RPS6KC1: variants seen among roughly 807,000 people sequenced by gnomAD.
RPS6KC1 encodes inactive ribosomal protein S6 kinase delta-1.
Under a neutral mutation model 103.8 loss-of-function variants are expected in RPS6KC1, and 54 were observed. The observed-to-expected ratio is 0.52, with a 90% CI of 0.42 to 0.65. RPS6KC1 has a LOEUF of 0.65. RPS6KC1 is among the 30% of genes least tolerant of loss of function. RPS6KC1 has a pLI of 0.00. For missense variants in RPS6KC1, 1,151 were observed against 1,253.8 expected (o/e 0.92, Z 1.24); for synonymous variants, 439 against 438.7 (o/e 1.00, Z -0.01).
At chr1:213,609,021 T>C in the RPS6KC1 span, among the ~76,000 whole-genome samples, 1 of 152,188 alleles carries the variant, frequency 6.6e-6, no homozygotes, top group African/African-American at 2.4e-5. Flanking sequence ...ATAAAGAATG[T>C]CAATTTGTTA....
chr1:213,319,599 T>C, the RPS6KC1 span, among the ~76,000 whole-genome samples: 1 of 152,208 alleles, frequency 6.6e-6, no homozygotes, highest in Non-Finnish European at 1.5e-5. Flanking sequence ...GAAGAGATGA[T>C]GAAGACTTTG....
intron 14 of RPS6KC1, among the ~76,000 whole-genome samples, chr1:213,266,935 CAAACAAACAAA>C (rs2094926108): frequency 1.1e-5 from 1 of 92,330 alleles, no homozygotes; most frequent in African/African-American, 5.7e-5. Flanking sequence ...AACAAACAAA[CAAACAAACAAA>C]AAACAGCCGA....
the RPS6KC1 span, among the ~76,000 whole-genome samples, chr1:213,795,259 C>T: frequency 6.6e-6 from 1 of 152,162 alleles, no homozygotes; most frequent in African/African-American, 2.4e-5. Context: ...CCTATGCCAG[C>T]TTTGTTAGAC....
chr1:213,361,472 A>G, the RPS6KC1 span, among the ~76,000 whole-genome samples: 65,165 of 151,900 alleles, frequency 0.43, 16,811 homozygotes, highest in African/African-American at 0.72. Flanking sequence ...TTGCTTGGCT[A>G]TGAAAGGGAA....
chr1:213,653,689 G>T, the RPS6KC1 span, among the ~76,000 whole-genome samples: 1 of 152,252 alleles, frequency 6.6e-6, no homozygotes, highest in South Asian at 2.1e-4. Flanking sequence ...AACTCTGAAA[G>T]GACAGGGACC....
the RPS6KC1 span, among the ~76,000 whole-genome samples, chr1:213,490,679 G>C: frequency 6.6e-6 from 1 of 152,206 alleles, no homozygotes; most frequent in Non-Finnish European, 1.5e-5. Context: ...AGGATGCGTA[G>C]TTCAAGATGG....
At chr1:213,816,676 C>T in the RPS6KC1 span, among the ~76,000 whole-genome samples, 1 of 152,166 alleles carries the variant, frequency 6.6e-6, no homozygotes, top group East Asian at 1.9e-4. Flanking sequence ...TGGACCTTCT[C>T]AAATGCCCGA....
intron 8 of RPS6KC1, among the ~76,000 whole-genome samples, chr1:213,214,969 G>T (rs6670496): frequency 2.6e-5 from 4 of 151,962 alleles, no homozygotes; most frequent in African/African-American, 9.7e-5. Flanking sequence ...AAATCAGAGC[G>T]CCTGTCCTCC....
chr1:213,611,366 T>C, the RPS6KC1 span, among the ~76,000 whole-genome samples: 1 of 151,946 alleles, frequency 6.6e-6, no homozygotes, highest in Non-Finnish European at 1.5e-5. Flanking sequence ...CATGCTGCAG[T>C]TTTTACAGGG....
the RPS6KC1 span, among the ~76,000 whole-genome samples, chr1:213,807,293 G>T: frequency 6.6e-6 from 1 of 152,086 alleles, no homozygotes; most frequent in African/African-American, 2.4e-5. Flanking sequence ...TGTTTGTGGC[G>T]TTCTCTGTAT....
At chr1:213,123,780 G>A (rs1054315023) in intron 5 of RPS6KC1, among the ~76,000 whole-genome samples, 1 of 152,076 alleles carries the variant, frequency 6.6e-6, no homozygotes, top group Admixed American at 6.6e-5. Context: ...GTTGACTATG[G>A]CAATATTTGA....
At chr1:213,665,508 T>C in the RPS6KC1 span, among the ~76,000 whole-genome samples, 1 of 151,664 alleles carries the variant, frequency 6.6e-6, no homozygotes, top group Admixed American at 6.5e-5. Flanking sequence ...TTTTTCTCTC[T>C]ATTGGCAAAG....
the RPS6KC1 span, among the ~76,000 whole-genome samples, chr1:213,847,726 C>G: frequency 9.2e-5 from 14 of 152,086 alleles, no homozygotes; most frequent in Admixed American, 7.9e-4. Context: ...TATGGTACCC[C>G]CTACTTTCCT....
At chr1:213,143,157 A>G (rs1040119325) in intron 6 of RPS6KC1, among the ~76,000 whole-genome samples, 1 of 152,102 alleles carries the variant, frequency 6.6e-6, no homozygotes, top group African/African-American at 2.4e-5. Context: ...TTTTAATAGT[A>G]GATTCAATTT....
intron 12 of RPS6KC1, among the ~76,000 whole-genome samples, chr1:213,249,868 G>T (rs2094515363): frequency 6.6e-6 from 1 of 152,152 alleles, no homozygotes; most frequent in Admixed American, 6.5e-5. Context: ...GTAATTCTTG[G>T]CTCTGGAGTG....
the RPS6KC1 span, among the ~76,000 whole-genome samples, chr1:213,462,581 A>G: frequency 6.6e-6 from 1 of 152,258 alleles, no homozygotes; most frequent in Non-Finnish European, 1.5e-5. Flanking sequence ...GCCATAAAAA[A>G]GGATGAGTTC....
intron 3 of RPS6KC1, among the ~76,000 whole-genome samples, chr1:213,100,754 A>G (rs2081949330): frequency 6.6e-6 from 1 of 152,116 alleles, no homozygotes; most frequent in Non-Finnish European, 1.5e-5. Flanking sequence ...GTTGCTGCAA[A>G]GGACATTATT....
chr1:213,771,717 G>C, the RPS6KC1 span, among the ~76,000 whole-genome samples: 1 of 152,172 alleles, frequency 6.6e-6, no homozygotes, highest in Non-Finnish European at 1.5e-5. Context: ...AAATGTTCTA[G>C]GTAGAACGTC....
the RPS6KC1 span, among the ~76,000 whole-genome samples, chr1:213,825,835 C>T: frequency 2.0e-5 from 3 of 152,300 alleles, no homozygotes; most frequent in Non-Finnish European, 4.4e-5. Flanking sequence ...ATCCTTTGCT[C>T]ATCATGGAAT....
Sources: allele counts gnomAD v4.1 joint callset (sites outside exome capture counted in the v4.1 genomes callset), GRCh38; gene constraint gnomAD v4.1.1; transcripts MANE v1.5; gene names NCBI Gene and HGNC (gene_info 2026-07-23, HGNC 2026-07-21).